Variants in DECR2 observed in about 807,000 individuals in gnomAD.
DECR2 encodes 2,4-dienoyl-CoA reductase 2, also known as peroxisomal 2,4-dienoyl-CoA reductase [(3E)-enoyl-CoA-producing].
Under a neutral mutation model 29.2 loss-of-function variants are expected in DECR2, and 34 were observed. The ratio of observed to expected loss-of-function variants is 1.16; its 90% CI spans 0.89 to 1.55. The LOEUF (loss-of-function observed/expected upper bound fraction) is 1.55, where lower values mean the gene tolerates loss of function less well. Among genes scored for constraint, DECR2 ranks in the 40% most tolerant of loss-of-function variants. The pLI is 0.00. For synonymous variants in DECR2, 224 were observed against 182.7 expected, an observed-to-expected ratio of 1.23 and a Z score of -1.82; for missense variants, 485 against 425.3, an observed-to-expected ratio of 1.14 and a Z score of -1.23.
At position 406,244 on chromosome 16, in the gene DECR2, G is replaced by T. The variant is rs1010481769; in HGVS notation, c.150-102G>T. On this transcript the variant is annotated intron_variant, in intron 2 of 8. Transcript: ENST00000219481. ...CTCTGCCAGCTGGGCCTTCAGCCTG[G>T]ACTGGTACTTCCGCCTGAGAGACTC... 2.3e-6 allele frequency: 3 copies of T among 1,285,926 alleles called. No individual in the cohort carries two copies. In the Admixed American group the frequency reaches 5.5e-5, roughly 23 times the overall value. The allele number at this position is 1,285,926 out of a possible 1,614,324, so 79.7% of individuals were successfully genotyped here. A position where few individuals can be genotyped will look rare whatever the true frequency, so the allele number is the denominator to read the frequency against.
intron 2 of DECR2, chr16:405,684 T>C (rs1400921100): frequency 1.7e-6 from 2 of 1,144,970 alleles, no homozygotes; most frequent in Non-Finnish European, 2.4e-6. Context: ...ACCAGGGAAT[T>C]TGTGGGCAGA....
At position 409,305 on chromosome 16, in the gene DECR2, G is replaced by C. The variant is rs992785254; in HGVS notation, c.338-938G>C. 1.4e-4 allele frequency among the ~76,000 whole-genome samples: 21 copies of C among 151,932 alleles called. 1 individual carries two copies. The highest frequency in any genetic ancestry group is 5.1e-4 in the African/African-American group (21 of 41,348). ...TCCTGCCTCAGTCCCCCAGTAGCTGGGACTACAGGTGCCTGCCACCACGCC... is the reference window on the plus strand; with the variant it reads ...TCCTGCCTCAGTCCCCCAGTAGCTGCGACTACAGGTGCCTGCCACCACGCC... On this transcript the variant is annotated intron_variant, in intron 4 of 8. Transcript: ENST00000219481.
rs564133306 is a variant in DECR2, at chr16:404,192, T to A, written c.81-764T>A. ...CATCTCAAAAAAAATAAAAAATAAA[T>A]AAATAAATTAAATAAAATACTATAA... On this transcript the variant is annotated intron_variant, in intron 1 of 8. Transcript: ENST00000219481. Among the ~76,000 whole-genome samples, 102 of 151,014 alleles carry A rather than the reference T, an allele frequency of 6.8e-4. 2 individuals carry two copies. Among genetic ancestry groups the A allele is most frequent in the South Asian group, 6.0e-3 (29 of 4,822 alleles).
In DECR2 at chr16:410,804, C is replaced by A; in HGVS notation, c.556+20C>A. On this transcript the variant is annotated intron_variant, in intron 6 of 8. Transcript: ENST00000219481. The surrounding 1 kb of genome is among the most constrained non-coding windows in gnomAD (Gnocchi z 4.1). ...CTGTGGGTATGACCACCCCCCCCCG[C>A]CCAGGTTTGCCCACGTGGGTCCCCA... 1 of 1,560,034 alleles carries A rather than the reference C, an allele frequency of 6.4e-7. No individual in the cohort carries two copies. The highest frequency in any genetic ancestry group is 8.7e-7 in the Non-Finnish European group (1 of 1,152,602).
rs561486518 is a variant in DECR2, at chr16:408,351, T to C, written c.337+791T>C. Among the ~76,000 whole-genome samples the C allele has an allele frequency of 1.3e-3, 203 of 150,420 alleles. 2 individuals are homozygous for C. Among genetic ancestry groups the C allele is most frequent in the South Asian group, 6.2e-3 (29 of 4,702 alleles). On this transcript the variant is annotated intron_variant, in intron 4 of 8. Coordinates refer to ENST00000219481, the MANE Select transcript of DECR2 (RefSeq NM_020664.4). ...TCTCTGGCCCTCTGTCTCCAGGCCT[T>C]TGTGTCCCGCCTTCTGTCTCTGGCC...
chr16:410,567 T>A lies in DECR2; in HGVS notation c.463-124T>A. 5 of 1,361,984 alleles carry A rather than the reference T, an allele frequency of 3.7e-6. 1 individual carries two copies. Among genetic ancestry groups the A allele is most frequent in the Non-Finnish European group, 3.0e-6 (3 of 1,001,276 alleles). The allele number at this position is 1,361,984 out of a possible 1,614,324, so 84.4% of individuals were successfully genotyped here. A position where few individuals can be genotyped will look rare whatever the true frequency, so the allele number is the denominator to read the frequency against. On this transcript the variant is annotated intron_variant, in intron 5 of 8. Transcript: ENST00000219481. This position sits in a 1 kb window ranked among gnomAD's most constrained non-coding sequence, Gnocchi z 4.1. Reference sequence around the variant, plus strand: ...CATGACGGCCGCCCGCTCCCTGCCCTGGGCCTCCCCCTGACGGCCGCCCGC... The same window carrying A: ...CATGACGGCCGCCCGCTCCCTGCCCAGGGCCTCCCCCTGACGGCCGCCCGC...
Position 410,451 on chromosome 16 carries a change from T to G in DECR2, c.462+84T>G, listed in dbSNP as rs2054799237. On this transcript the variant is annotated intron_variant, in intron 5 of 8. Coordinates refer to ENST00000219481, the MANE Select transcript of DECR2 (RefSeq NM_020664.4). The surrounding 1 kb of genome is among the most constrained non-coding windows in gnomAD (Gnocchi z 4.1). ...TGAGAAGTTCTTCCGGGTGGGTGCC[T>G]TGTGCGCTCTGTGAGAAGTTCTTCC... The G allele has an allele frequency of 6.4e-7, 1 of 1,562,654 alleles. No homozygotes were observed. Among genetic ancestry groups the G allele is most frequent in the South Asian group, 1.2e-5 (1 of 86,524 alleles).
At position 406,391 on chromosome 16, in the gene DECR2, G is replaced by T; in HGVS notation, c.195G>T (p.Val65=). Reference sequence around the variant, plus strand: ...TTGCCAGTAGGAGCCTGCCGCGAGTGCTGACGGTGAGAGGGCCTCTCCCAT... The same window carrying T: ...TTGCCAGTAGGAGCCTGCCGCGAGTTCTGACGGTGAGAGGGCCTCTCCCAT... ...TVIASRSLPR[V]LTAARKLAGA... is the part of the protein sequence containing the mutation. Residue 65 remains valine (V), a synonymous_variant, in exon 3 of 9, where the codon GTG becomes GTT. Coordinates refer to ENST00000219481, the MANE Select transcript of DECR2 (RefSeq NM_020664.4). 1 of 1,607,882 alleles carries T rather than the reference G, an allele frequency of 6.2e-7. No homozygotes were observed.
intron 1 of DECR2, among the ~76,000 whole-genome samples, chr16:403,948 T>C (rs1325710213): frequency 6.6e-6 from 1 of 151,878 alleles, no homozygotes; most frequent in East Asian, 1.9e-4. Context: ...CCGAGGTGGG[T>C]GGATCACAAG....
At chr16:411,795 C>T (rs1036484548) in intron 8 of DECR2, 95 bp from the exon 9 acceptor site, 6 of 503,174 alleles carry the variant, frequency 1.2e-5, no homozygotes, top group South Asian at 3.6e-5. Flanking sequence ...CGGCCTCTGC[C>T]GGCATTTCTG....
Position 401,915 on chromosome 16 carries a change from G to C in DECR2, c.-49G>C. ...CGCAGCTGCGCGCCGGGTCCTGGAGGCCGAGGCCGCTCCCGCCCGTTGTCC... is the reference window on the plus strand; with the variant it reads ...CGCAGCTGCGCGCCGGGTCCTGGAGCCCGAGGCCGCTCCCGCCCGTTGTCC... On this transcript the variant is annotated 5_prime_UTR_variant, in exon 1 of 9. Coordinates refer to ENST00000219481, the MANE Select transcript of DECR2 (RefSeq NM_020664.4). 6.8e-7 allele frequency: 1 copy of C among 1,460,374 alleles called. No homozygotes were observed. The highest frequency in any genetic ancestry group is 9.0e-7 in the Non-Finnish European group (1 of 1,110,334). The allele number at this position is 1,460,374 out of a possible 1,614,324, so 90.5% of individuals were successfully genotyped here. A position where few individuals can be genotyped will look rare whatever the true frequency, so the allele number is the denominator to read the frequency against.
intron 4 of DECR2, among the ~76,000 whole-genome samples, chr16:408,574 C>G (rs1270324034): frequency 6.7e-6 from 1 of 149,644 alleles, no homozygotes; most frequent in Non-Finnish European, 1.5e-5. Context: ...CTGGTGTGAT[C>G]ATGGCTTACT....
Position 411,422 on chromosome 16 carries a change from C to T in DECR2, c.723C>T (p.Asn241=), listed in dbSNP as rs1257629652. 1 of 1,613,284 alleles carries T rather than the reference C, an allele frequency of 6.2e-7. No homozygotes were observed. The highest frequency in any genetic ancestry group is 8.5e-7 in the Non-Finnish European group (1 of 1,180,006). The change falls in exon 8 of 9, where the codon AAC becomes AAT. Residue 241 remains asparagine, a synonymous_variant. Coordinates refer to ENST00000219481, the MANE Select transcript of DECR2 (RefSeq NM_020664.4). ...CCAGCCCGCTGCAGAGGCTGGGGAA[C>T]AAGACCGAGATCGCCCACAGCGTGC... ...VTASPLQRLG[N]KTEIAHSVLY... is the part of the protein sequence containing the mutation.
At chr16:408,522 CTT>C (rs770893268) in intron 4 of DECR2, among the ~76,000 whole-genome samples, 21 of 143,020 alleles carry the variant, frequency 1.5e-4, no homozygotes, top group Middle Eastern at 3.6e-3. Context: ...AAGTAATAGC[CTT>C]TTTTTTTTTT....
intron 2 of DECR2, 95 bp downstream of exon 2, chr16:405,119 G>A: frequency 2.1e-6 from 3 of 1,452,010 alleles, no homozygotes; most frequent in Non-Finnish European, 2.9e-6. Flanking sequence ...GTGGGAGGTA[G>A]ATGTCCCCTG....
chr16:406,743 G>C (rs776410897), intron 3 of DECR2: 1 of 625,526 alleles, frequency 1.6e-6, no homozygotes, highest in Non-Finnish European at 2.3e-6. Context: ...CAGGTGATCC[G>C]CCCACCTCAG....
In DECR2 at chr16:407,472, C is replaced by T. The variant is rs765336258; in HGVS notation, c.249C>T (p.Leu83=). The T allele has an allele frequency of 3.1e-6, 5 of 1,613,614 alleles. No homozygotes were observed. The Middle Eastern group carries it at 6.7e-4, about 216-fold the overall frequency. ...CCACCGGCCGGCGCTGCCTCCCTCT[C>T]TCTATGGACGTCCGAGCGCCCCCAG... ...AGATGRRCLP[L]SMDVRAPPAV... Residue 83 remains leucine (L), a synonymous_variant, in exon 4 of 9, where the codon CTC becomes CTT. Transcript: ENST00000219481.
At chr16:411,861 C>T (rs2054823798) in intron 8 of DECR2, 29 bp from the exon 9 acceptor site, 2 of 428,772 alleles carry the variant, frequency 4.7e-6, no homozygotes, top group Non-Finnish European at 8.3e-6. Context: ...CCGTCCTCAG[C>T]CGGCTACTAA....
Position 401,985 on chromosome 16 carries a change from G to A in DECR2, c.22G>A (p.Val8Met), listed in dbSNP as rs201237938. Reference sequence around the variant, plus strand: ...CGCCATGGCCCAGCCGCCGCCCGACGTGGAGGGGGACGACTGTCTCCCCGC... The same window carrying A: ...CGCCATGGCCCAGCCGCCGCCCGACATGGAGGGGGACGACTGTCTCCCCGC... Reference protein sequence around the residue: MAQPPPDVEGDDCLPAYR... With the variant: MAQPPPDMEGDDCLPAYR... Residue 8 changes from valine (V) to methionine (M), a missense_variant, in exon 1 of 9, where the codon GTG (valine) becomes ATG (methionine). Val to Met is a conservative substitution (Grantham distance 21). Coordinates refer to ENST00000219481, the MANE Select transcript of DECR2 (RefSeq NM_020664.4). 65 of 1,491,124 alleles carry A rather than the reference G, an allele frequency of 4.4e-5. No individual in the cohort carries two copies. In the African/African-American group the frequency reaches 8.1e-4, roughly 19 times the overall value. The allele number at this position is 1,491,124 out of a possible 1,614,324, so 92.4% of individuals were successfully genotyped here.
Sources: allele counts gnomAD v4.1 joint callset (sites outside exome capture counted in the v4.1 genomes callset), GRCh38; gene constraint gnomAD v4.1.1; non-coding constraint Gnocchi (gnomAD v3.1); transcripts MANE v1.5; gene names NCBI Gene and HGNC (gene_info 2026-07-23, HGNC 2026-07-21).